Variants in PARP11 observed in about 807,000 individuals in gnomAD.
PARP11 encodes the protein protein mono-ADP-ribosyltransferase PARP11.
A neutral mutation model predicts 42.9 loss-of-function variants in PARP11; 31 were observed. That is an observed-to-expected ratio of 0.72 (90% CI 0.54 to 0.98). The LOEUF is 0.98. PARP11 is among the 50% of genes least tolerant of loss of function. The pLI is 0.00. For missense variants in PARP11, 365 were observed against 413.1 expected (o/e 0.88, Z 1.01); for synonymous variants, 137 against 127.3 (o/e 1.08, Z -0.51).
In PARP11 at chr12:3,828,479, C is replaced by T. The variant is rs191637032; in HGVS notation, c.268+431G>A. Among the ~76,000 whole-genome samples the T allele has an allele frequency of 3.0e-4, 44 of 145,056 alleles. 1 individual carries two copies. The highest frequency in any genetic ancestry group is 1.2e-3 in the Admixed American group (17 of 13,802). On this transcript the variant is annotated intron_variant, in intron 3 of 7. Transcript: ENST00000228820. ...CAGAGAATTGCTTGAACCCGGGAGG[C>T]GGAGGCTGCAGTGAGCCGAGATCAT...
intron 6 of PARP11, among the ~76,000 whole-genome samples, chr12:3,820,904 C>T (rs531395374): frequency 7.2e-5 from 11 of 152,196 alleles, no homozygotes; most frequent in South Asian, 2.1e-4. Context: ...CTGAAATGTA[C>T]GCAGGCCATA....
intron 1 of PARP11, among the ~76,000 whole-genome samples, chr12:3,843,725 T>G (rs1947939631): frequency 6.6e-6 from 1 of 152,228 alleles, no homozygotes; most frequent in South Asian, 2.1e-4. Flanking sequence ...CTGTCCTCAT[T>G]TGGAGATTGA....
At position 3,840,107 on chromosome 12, in the gene PARP11, A is replaced by G; in HGVS notation, c.19-10089T>C. On this transcript the variant is annotated intron_variant, in intron 1 of 7. Transcript: ENST00000228820. The surrounding 1 kb of genome is among the most constrained non-coding windows in gnomAD (Gnocchi z 4.4). ...TATGAAATTTGGCTGGAGTCTAAAC[A>G]AGCTCAGCAAAAACGTGATTATTCC... The G allele has an allele frequency of 6.2e-7, 1 of 1,610,302 alleles. No individual in the cohort carries two copies. Among genetic ancestry groups the G allele is most frequent in the Non-Finnish European group, 8.5e-7 (1 of 1,176,454 alleles).
rs192330865 is a variant in PARP11, at chr12:3,814,986, G to C, written c.549-798C>G. The C allele has an allele frequency of 8.5e-4, 388 of 455,992 alleles. 1 individual carries two copies. Among genetic ancestry groups the C allele is most frequent in the Middle Eastern group, 4.9e-3 (15 of 3,076 alleles). 28.2% of individuals were successfully genotyped at this position (455,992 alleles called of 1,614,324 possible). A position where few individuals can be genotyped will look rare whatever the true frequency, so the allele number is the denominator to read the frequency against. ...AAAAATACAAAATACAAACAATAAG[G>C]CACCATACCAATCTCAGGAGGAAAG... On this transcript the variant is annotated intron_variant, in intron 6 of 7. Coordinates refer to ENST00000228820, the MANE Select transcript of PARP11 (RefSeq NM_020367.6).
chr12:3,827,401 G>A (rs2138039451), intron 3 of PARP11, among the ~76,000 whole-genome samples: 1 of 152,210 alleles, frequency 6.6e-6, no homozygotes, highest in Admixed American at 6.5e-5. Context: ...AGAAACATGT[G>A]GCTTGCTGAA....
intron 4 of PARP11, among the ~76,000 whole-genome samples, chr12:3,822,385 T>G (rs1162376367): frequency 1.3e-5 from 2 of 149,958 alleles, no homozygotes; most frequent in African/African-American, 5.0e-5. Flanking sequence ...GATCACGAGG[T>G]CAGGAGATCG....
rs940905963 is a variant in PARP11 at position 3,809,137 on chromosome 12, T to C, written c.*2986A>G. On this transcript the variant is annotated 3_prime_UTR_variant, in exon 8 of 8. Transcript: ENST00000228820. ...TTTATCATTATTCTAGGTTTATGTC[T>C]ATTCATTCTCCCCACCCACTCTATG... The C allele has an allele frequency of 2.0e-5, 3 of 152,210 alleles. No individual in the cohort carries two copies. Among genetic ancestry groups the C allele is most frequent in the Non-Finnish European group, 4.4e-5 (3 of 68,040 alleles). 9.4% of individuals were successfully genotyped at this position (152,210 alleles called of 1,614,324 possible). A position where few individuals can be genotyped will look rare whatever the true frequency, so the allele number is the denominator to read the frequency against.
rs1362074219 is a variant in PARP11, at chr12:3,814,154, G to A, written c.583C>T (p.Pro195Ser). 1 of 1,604,348 alleles carries A rather than the reference G, an allele frequency of 6.2e-7. No individual in the cohort carries two copies. The highest frequency in any genetic ancestry group is 1.3e-5 in the African/African-American group (1 of 74,832). The change falls in exon 7 of 8, where the codon CCT becomes TCT. Residue 195 changes from proline (P) to serine (S), a missense_variant. Transcript: ENST00000228820. Reference sequence around the variant, plus strand: ...AACAGCATTTGTTCATTAATCTGAGGCACACCTCTTTTTTTCTTGAGCTGA... The same window carrying A: ...AACAGCATTTGTTCATTAATCTGAGACACACCTCTTTTTTTCTTGAGCTGA... ...KAQLKKKRGVPQINEQMLFHG... is the reference protein window; with the variant it reads ...KAQLKKKRGVSQINEQMLFHG...
intron 6 of PARP11, among the ~76,000 whole-genome samples, chr12:3,817,042 T>C (rs1400095470): frequency 6.6e-6 from 1 of 151,884 alleles, no homozygotes; most frequent in Admixed American, 6.6e-5. Context: ...ATACAAAAAA[T>C]TAGCCAGGCG....
At chr12:3,873,176 C>T (rs989667703) in intron 1 of PARP11, 36 bp downstream of exon 1, 2 of 1,509,428 alleles carry the variant, frequency 1.3e-6, no homozygotes, top group Non-Finnish European at 1.8e-6. Flanking sequence ...ATCAACCCCG[C>T]CCCCTGGGCC....
intron 1 of PARP11, among the ~76,000 whole-genome samples, chr12:3,844,061 G>A (rs1384171031): frequency 1.3e-5 from 2 of 152,180 alleles, no homozygotes; most frequent in Non-Finnish European, 2.9e-5. Flanking sequence ...GGAATGTTTG[G>A]ATGCCAGCTG....
intron 1 of PARP11, among the ~76,000 whole-genome samples, chr12:3,836,796 G>A (rs949574361): frequency 2.0e-5 from 3 of 152,214 alleles, no homozygotes; most frequent in Non-Finnish European, 4.4e-5. Flanking sequence ...AAAAAACTCT[G>A]AGCAGACAGT....
chr12:3,841,026 GAC>G (rs1947877615), intron 1 of PARP11: 1 of 1,587,104 alleles, frequency 6.3e-7, no homozygotes. Context: ...GTCGGTCAGT[GAC>G]ACAGACTTTG....
chr12:3,830,043 GA>G, intron 1 of PARP11, 25 bp from the exon 2 acceptor site: 3 of 1,607,120 alleles, frequency 1.9e-6, no homozygotes, highest in Non-Finnish European at 2.6e-6. Flanking sequence ...GGAGGTGGAG[GA>G]AGAAATAATT....
intron 1 of PARP11, chr12:3,842,469 T>C: frequency 1.2e-6 from 2 of 1,606,742 alleles, no homozygotes; most frequent in African/African-American, 1.3e-5. Context: ...TTAGGGGAGA[T>C]AGGAGGAGAT....
chr12:3,853,786 T>C (rs970314771), intron 1 of PARP11, among the ~76,000 whole-genome samples: 2 of 152,228 alleles, frequency 1.3e-5, no homozygotes, highest in Non-Finnish European at 2.9e-5. Flanking sequence ...CAAGCAGACC[T>C]AATAGACATC....
intron 1 of PARP11, among the ~76,000 whole-genome samples, chr12:3,855,377 G>C (rs1948173093): frequency 6.6e-6 from 1 of 152,306 alleles, no homozygotes; most frequent in African/African-American, 2.4e-5. Context: ...TGTACATTTA[G>C]AAAATCCCAT....
chr12:3,841,906 T>C, intron 1 of PARP11: 1 of 1,608,210 alleles, frequency 6.2e-7, no homozygotes, highest in Non-Finnish European at 8.5e-7. Context: ...AGTAGATGAG[T>C]TTCCAGCAGC....
intron 6 of PARP11, among the ~76,000 whole-genome samples, chr12:3,817,805 C>T (rs1337569781): frequency 6.6e-6 from 1 of 152,168 alleles, no homozygotes; most frequent in African/African-American, 2.4e-5. Flanking sequence ...ATTTAGAACA[C>T]CTGTCATCCT....
Sources: allele counts gnomAD v4.1 joint callset (sites outside exome capture counted in the v4.1 genomes callset), GRCh38; gene constraint gnomAD v4.1.1; non-coding constraint Gnocchi (gnomAD v3.1); transcripts MANE v1.5; gene names NCBI Gene and HGNC (gene_info 2026-07-23, HGNC 2026-07-21).